Variants in SHOC2 observed in about 807,000 individuals in gnomAD.
SHOC2 encodes the protein SHOC2 leucine rich repeat scaffold protein.
Under a neutral mutation model 50.2 loss-of-function variants are expected in SHOC2, and 4 were observed. The ratio of observed to expected loss-of-function variants is 0.08; its 90% CI spans 0.04 to 0.18. The LOEUF (loss-of-function observed/expected upper bound fraction) is 0.18, where lower values mean the gene tolerates loss of function less well. Ranked by LOEUF, SHOC2 falls within the 10% of genes least tolerant of loss-of-function variation. The pLI is 1.00. For missense variants in SHOC2, 388 were observed against 669.6 expected (o/e 0.58, Z 4.64); for synonymous variants, 218 against 244.5 (o/e 0.89, Z 1.01).
intron 2 of SHOC2, among the ~76,000 whole-genome samples, chr10:110,975,336 T>C (rs1246049571): frequency 6.6e-6 from 1 of 152,104 alleles, no homozygotes; most frequent in Non-Finnish European, 1.5e-5. Flanking sequence ...TTTGTGTTTT[T>C]AGTAAAGACG....
At chr10:110,993,067 G>A (rs995466825) in intron 3 of SHOC2, among the ~76,000 whole-genome samples, 1 of 152,166 alleles carries the variant, frequency 6.6e-6, no homozygotes, top group Admixed American at 6.5e-5. Context: ...ATCTGACAGC[G>A]TAAGAGAAAG....
chr10:110,995,782 TGGA>T (rs1264008503), intron 3 of SHOC2, among the ~76,000 whole-genome samples: 2 of 152,226 alleles, frequency 1.3e-5, no homozygotes, highest in Non-Finnish European at 2.9e-5. Flanking sequence ...GTTCTCTTTA[TGGA>T]GAAGATGACC....
intron 1 of SHOC2, among the ~76,000 whole-genome samples, chr10:110,923,236 T>A (rs758153386): frequency 2.0e-5 from 3 of 152,080 alleles, no homozygotes; most frequent in Non-Finnish European, 4.4e-5. Flanking sequence ...TCTGAATAAT[T>A]TCTGAATTAC....
At chr10:110,991,055 G>GATATATATAT (rs1253634008) in intron 3 of SHOC2, among the ~76,000 whole-genome samples, 2 of 152,084 alleles carry the variant, frequency 1.3e-5, no homozygotes, top group Admixed American at 1.3e-4. Flanking sequence ...TGATCAGATA[G>GATATATATAT]ATATATATAG....
At chr10:110,950,625 C>T (rs1210396698) in intron 1 of SHOC2, among the ~76,000 whole-genome samples, 3 of 152,088 alleles carry the variant, frequency 2.0e-5, no homozygotes, top group African/African-American at 4.8e-5. Context: ...TCAAAATATA[C>T]TACAAACCTA....
At chr10:110,950,808 T>C (rs531977483) in intron 1 of SHOC2, among the ~76,000 whole-genome samples, 2 of 152,278 alleles carry the variant, frequency 1.3e-5, no homozygotes, top group Non-Finnish European at 2.9e-5. Context: ...TGAATATCCA[T>C]ATGCAGAAGC....
chr10:110,990,720 G>A (rs992576168), intron 3 of SHOC2, among the ~76,000 whole-genome samples: 10 of 151,418 alleles, frequency 6.6e-5, no homozygotes, highest in African/African-American at 1.2e-4. Context: ...TTGTTCTTTC[G>A]CTCTTTGCAA....
At chr10:110,925,884 A>G (rs1846761659) in intron 1 of SHOC2, among the ~76,000 whole-genome samples, 1 of 152,182 alleles carries the variant, frequency 6.6e-6, no homozygotes, top group Admixed American at 6.5e-5. Context: ...GCATTTCTTG[A>G]TGCTCCTAAT....
chr10:110,942,124 T>C (rs144772025), intron 1 of SHOC2, among the ~76,000 whole-genome samples: 94 of 67,196 alleles, frequency 1.4e-3, no homozygotes, highest in African/African-American at 4.4e-3. Context: ...TCATCATACA[T>C]TGGTCTTCTG....
intron 3 of SHOC2, among the ~76,000 whole-genome samples, chr10:110,987,637 A>G (rs1328805775): frequency 1.3e-5 from 2 of 152,218 alleles, no homozygotes; most frequent in African/African-American, 4.8e-5. Context: ...TTCTGGTTCA[A>G]GATAATAAGG....
chr10:110,986,026 G>T, intron 3 of SHOC2: 1 of 361,686 alleles, frequency 2.8e-6, no homozygotes, highest in Non-Finnish European at 5.1e-6. Context: ...GTCATAGTTT[G>T]AATTGCAAAA....
At chr10:110,989,127 T>C (rs1848134830) in intron 3 of SHOC2, 1 of 460,486 alleles carries the variant, frequency 2.2e-6, no homozygotes. Context: ...TCTTTCATCA[T>C]GGTAAAAGTA....
chr10:110,977,391 A>G (rs1228719667), intron 2 of SHOC2, among the ~76,000 whole-genome samples: 5 of 152,062 alleles, frequency 3.3e-5, no homozygotes, highest in Admixed American at 2.6e-4. Context: ...GATTAGAAGC[A>G]TGCACCACCA....
chr10:111,003,866 AATT>A (rs1161540978), intron 4 of SHOC2, among the ~76,000 whole-genome samples: 2 of 152,108 alleles, frequency 1.3e-5, no homozygotes, highest in African/African-American at 4.8e-5. Context: ...ATTATTTTCT[AATT>A]ATTTCTTACC....
chr10:110,920,527 C>A (rs1016331310), intron 1 of SHOC2, among the ~76,000 whole-genome samples: 1 of 151,848 alleles, frequency 6.6e-6, no homozygotes, highest in Non-Finnish European at 1.5e-5. Flanking sequence ...TATTTCTTTT[C>A]TTTCTTTTTC....
chr10:111,004,504 C>T, intron 4 of SHOC2, 102 bp from the exon 5 acceptor site: 3 of 795,106 alleles, frequency 3.8e-6, no homozygotes, highest in South Asian at 3.0e-5. Context: ...TCATTTGTCA[C>T]CCCCCAAAGC....
intron 2 of SHOC2, among the ~76,000 whole-genome samples, chr10:110,971,382 T>C (rs1202606838): frequency 6.6e-6 from 1 of 152,158 alleles, no homozygotes; most frequent in East Asian, 1.9e-4. Flanking sequence ...GATTTATTTC[T>C]GGGTTCTCTA....
At chr10:110,924,344 A>G (rs1846714279) in intron 1 of SHOC2, among the ~76,000 whole-genome samples, 1 of 152,220 alleles carries the variant, frequency 6.6e-6, no homozygotes, top group African/African-American at 2.4e-5. Context: ...CAGATGAGTT[A>G]AGACTCACAC....
chr10:110,957,458 T>A (rs1564711932), intron 1 of SHOC2, among the ~76,000 whole-genome samples: 2 of 152,072 alleles, frequency 1.3e-5, no homozygotes, highest in African/African-American at 2.4e-5. Context: ...GTGTGTATAA[T>A]GCCGCATGTA....
Sources: allele counts gnomAD v4.1 joint callset (sites outside exome capture counted in the v4.1 genomes callset), GRCh38; gene constraint gnomAD v4.1.1; transcripts MANE v1.5; gene names NCBI Gene and HGNC (gene_info 2026-07-23, HGNC 2026-07-21).